Variants in LHX8 observed in about 807,000 individuals in gnomAD.
LHX8 encodes LIM homeobox 8.
Under a neutral mutation model 40.3 loss-of-function variants are expected in LHX8, and 12 were observed. The observed-to-expected ratio is 0.30, with a 90% CI of 0.19 to 0.48. The LOEUF (loss-of-function observed/expected upper bound fraction) is 0.48, where lower values mean the gene tolerates loss of function less well. Among genes scored for constraint, LHX8 ranks in the 20% least tolerant of loss-of-function variants. The probability of loss-of-function intolerance (pLI) is 0.99; values close to 1 mark genes in which losing one functional copy is unlikely to be tolerated. For synonymous variants in LHX8, 179 were observed against 162.0 expected, an observed-to-expected ratio of 1.10 and a Z score of -0.80; for missense variants, 344 against 433.7, an observed-to-expected ratio of 0.79 and a Z score of 1.84.
the LHX8 span, among the ~76,000 whole-genome samples, chr1:75,185,853 G>T: frequency 6.6e-6 from 1 of 152,076 alleles, no homozygotes; most frequent in African/African-American, 2.4e-5. Flanking sequence ...AAAGTTTCAG[G>T]ATATAAAATT....
chr1:75,143,822 T>G (rs549477268), intron 5 of LHX8, 23 bp from the exon 6 acceptor site: 1 of 1,545,736 alleles, frequency 6.5e-7, no homozygotes, highest in East Asian at 2.2e-5. Flanking sequence ...TACCAACATA[T>G]ATAGTGTGTT....
chr1:75,143,678 AT>A (rs1648381145), intron 5 of LHX8, among the ~76,000 whole-genome samples, 166 bp from the exon 6 acceptor site: 1 of 152,154 alleles, frequency 6.6e-6, no homozygotes, highest in Admixed American at 6.5e-5. Context: ...TAAGTGGAAT[AT>A]TTTTTGTACA....
At chr1:75,175,312 G>A in the LHX8 span, among the ~76,000 whole-genome samples, 1 of 152,118 alleles carries the variant, frequency 6.6e-6, no homozygotes, top group Non-Finnish European at 1.5e-5. Flanking sequence ...TTTTTCACTG[G>A]GAAGATGCCC....
chr1:75,145,100 T>G (rs544321568), intron 6 of LHX8, among the ~76,000 whole-genome samples: 6 of 152,132 alleles, frequency 3.9e-5, no homozygotes, highest in Non-Finnish European at 8.8e-5. Flanking sequence ...AAATTCGATT[T>G]CTTAATTTAG....
chr1:75,139,594 C>T (rs1377115847), intron 3 of LHX8, among the ~76,000 whole-genome samples: 2 of 151,850 alleles, frequency 1.3e-5, no homozygotes, highest in African/African-American at 4.8e-5. Flanking sequence ...TTTTTATTTC[C>T]AAGGCAGTAT....
the LHX8 span, among the ~76,000 whole-genome samples, chr1:75,191,126 CCT>C: frequency 1.1e-4 from 16 of 152,030 alleles, no homozygotes; most frequent in African/African-American, 2.4e-4. Flanking sequence ...GAGCCCTTCC[CCT>C]GACACTCCTC....
intron 3 of LHX8, 36 bp downstream of exon 3, chr1:75,137,297 G>A (rs1295361627): frequency 3.8e-6 from 6 of 1,598,628 alleles, no homozygotes; most frequent in Non-Finnish European, 5.1e-6. Context: ...CCCAAGGGGA[G>A]CGGGCTTAGC....
chr1:75,168,118 C>G, the LHX8 span, among the ~76,000 whole-genome samples: 1 of 152,152 alleles, frequency 6.6e-6, no homozygotes, highest in South Asian at 2.1e-4. Flanking sequence ...GTAAAGTTTT[C>G]TTTTTCCTCT....
At chr1:75,196,934 G>T in the LHX8 span, among the ~76,000 whole-genome samples, 1 of 152,106 alleles carries the variant, frequency 6.6e-6, no homozygotes, top group African/African-American at 2.4e-5. Flanking sequence ...GACTCTTGGA[G>T]AGTGACTATT....
chr1:75,157,498 A>G (rs954419558), intron 8 of LHX8, among the ~76,000 whole-genome samples: 1 of 152,252 alleles, frequency 6.6e-6, no homozygotes, highest in African/African-American at 2.4e-5. Context: ...CGTAATAACT[A>G]TTCAGCTTGA....
At chr1:75,196,029 C>T in the LHX8 span, among the ~76,000 whole-genome samples, 1 of 152,184 alleles carries the variant, frequency 6.6e-6, no homozygotes, top group African/African-American at 2.4e-5. Context: ...CTATAAATAA[C>T]AGCAGTTGTA....
downstream of LHX8, among the ~76,000 whole-genome samples, chr1:75,164,017 A>G (rs980749778): frequency 6.6e-6 from 1 of 152,334 alleles, no homozygotes; most frequent in South Asian, 2.1e-4. Context: ...TGTGACCAAT[A>G]CATTTCTGTT....
the LHX8 span, among the ~76,000 whole-genome samples, chr1:75,171,415 T>A: frequency 7.3e-5 from 11 of 150,254 alleles, no homozygotes; most frequent in African/African-American, 9.8e-5. Flanking sequence ...GGGCCAAATT[T>A]TTATTATTAT....
In LHX8 at chr1:75,134,899, A is replaced by G. The variant is rs1424254848; in HGVS notation, c.-68A>G. 2.0e-6 allele frequency: 2 copies of G among 985,160 alleles called. No homozygotes were observed. The highest frequency in any genetic ancestry group is 1.1e-4 in the East Asian group (1 of 8,802). The allele number at this position is 985,160 out of a possible 1,614,324, so 61.0% of individuals were successfully genotyped here. A position where few individuals can be genotyped will look rare whatever the true frequency, so the allele number is the denominator to read the frequency against. On this transcript the variant is annotated 5_prime_UTR_variant, in exon 1 of 9. An upstream start codon of the reference 5' UTR is lost. Coordinates refer to ENST00000356261, the MANE Select transcript of LHX8 (RefSeq NM_001256114.2). ...CCCAAAAGCTCACTTAACCTGAGAC[A>G]TGGAGACTGTAATTTGGGAGATGAA...
chr1:75,169,039 G>A, the LHX8 span, among the ~76,000 whole-genome samples: 4 of 152,094 alleles, frequency 2.6e-5, no homozygotes, highest in African/African-American at 9.7e-5. Flanking sequence ...AACCCCCCCT[G>A]TGGCTTTCCT....
In LHX8 at chr1:75,160,959, C is replaced by A; in HGVS notation, c.*64C>A. Reference sequence around the variant, plus strand: ...TTGTCATTTATTATGTATAAAATACCATTGAAAAGATATTACTGTTAATTT... The same window carrying A: ...TTGTCATTTATTATGTATAAAATACAATTGAAAAGATATTACTGTTAATTT... On this transcript the variant is annotated 3_prime_UTR_variant, in exon 9 of 9. Coordinates refer to ENST00000356261, the MANE Select transcript of LHX8 (RefSeq NM_001256114.2). 3 of 1,196,850 alleles carry A rather than the reference C, an allele frequency of 2.5e-6. No individual in the cohort carries two copies. The highest frequency in any genetic ancestry group is 2.5e-6 in the Non-Finnish European group (2 of 802,656). 74.1% of individuals were successfully genotyped at this position (1,196,850 alleles called of 1,614,324 possible).
chr1:75,157,300 A>G (rs1648797420), intron 8 of LHX8, among the ~76,000 whole-genome samples: 1 of 152,248 alleles, frequency 6.6e-6, no homozygotes, highest in African/African-American at 2.4e-5. Flanking sequence ...AGATGCAAAT[A>G]TTAATAATGA....
chr1:75,170,059 G>A, the LHX8 span, among the ~76,000 whole-genome samples: 3 of 152,150 alleles, frequency 2.0e-5, no homozygotes, highest in Non-Finnish European at 4.4e-5. Context: ...TGGCCACTAT[G>A]TGCTGTTTGG....
At chr1:75,171,324 A>T in the LHX8 span, among the ~76,000 whole-genome samples, 3 of 152,138 alleles carry the variant, frequency 2.0e-5, no homozygotes, top group Non-Finnish European at 2.9e-5. Context: ...AAATATGCAG[A>T]CATTTTGGCT....
Sources: allele counts gnomAD v4.1 joint callset (sites outside exome capture counted in the v4.1 genomes callset), GRCh38; gene constraint gnomAD v4.1.1; transcripts MANE v1.5; gene names NCBI Gene and HGNC (gene_info 2026-07-23, HGNC 2026-07-21).